NBL1: variants seen among roughly 807,000 people sequenced by gnomAD.
NBL1 encodes the protein neuroblastoma suppressor of tumorigenicity 1.
A neutral mutation model predicts 16.0 loss-of-function variants in NBL1; 9 were observed. The ratio of observed to expected loss-of-function variants is 0.56; its 90% confidence interval spans 0.34 to 0.98. The LOEUF is 0.98. NBL1 is among the 50% of genes least tolerant of loss of function. The pLI is 0.02. For missense variants in NBL1, 196 were observed against 243.1 expected (o/e 0.81, Z 1.29); for synonymous variants, 86 against 100.7 (o/e 0.85, Z 0.87).
chr1:19,651,144 G>A (rs2095022799), intron 1 of NBL1, among the ~76,000 whole-genome samples: 1 of 152,238 alleles, frequency 6.6e-6, no homozygotes, highest in African/African-American at 2.4e-5. Flanking sequence ...TTTCTGAGGA[G>A]TGAACTTATT....
chr1:19,645,769 T>C lies in NBL1; in HGVS notation c.-20+1323T>C, dbSNP rs913181597. The C allele has an allele frequency of 4.5e-5, 61 of 1,342,608 alleles. No homozygotes were observed. The Middle Eastern group carries it at 1.4e-3, about 30-fold the overall frequency. The allele number at this position is 1,342,608 out of a possible 1,614,324, so 83.2% of individuals were successfully genotyped here. ...GCTGGACCTCTCTCCCGGGCCTGTG[T>C]TTTGGAGGGGTGGACAGGGGAGTAG... On this transcript the variant is annotated intron_variant, in intron 1 of 3. Coordinates refer to ENST00000375136, the MANE Select transcript of NBL1 (RefSeq NM_005380.8).
chr1:19,648,955 C>A (rs1478240070), intron 1 of NBL1, among the ~76,000 whole-genome samples: 1 of 152,162 alleles, frequency 6.6e-6, no homozygotes, highest in Non-Finnish European at 1.5e-5. Flanking sequence ...GAACTCTGGT[C>A]TGTGGAGCCC....
intron 1 of NBL1, among the ~76,000 whole-genome samples, chr1:19,653,544 C>T (rs1198698784): frequency 6.6e-6 from 1 of 152,250 alleles, no homozygotes; most frequent in Non-Finnish European, 1.5e-5. Flanking sequence ...GACTCCTACC[C>T]ACCCTAGAAC....
intron 3 of NBL1, among the ~76,000 whole-genome samples, chr1:19,656,397 G>A (rs1437638803): frequency 7.9e-6 from 1 of 127,076 alleles, no homozygotes; most frequent in Admixed American, 8.6e-5. Flanking sequence ...TAGTCGGCGG[G>A]GATAGGGGGG....
chr1:19,645,941 T>G (rs769009180), intron 1 of NBL1: 4 of 1,550,462 alleles, frequency 2.6e-6, no homozygotes, highest in Non-Finnish European at 3.5e-6. Flanking sequence ...GTGGAACTTC[T>G]GCTGAGCAGA....
At position 19,657,165 on chromosome 1, in the gene NBL1, G is replaced by C. The variant is rs1048720493; in HGVS notation, c.*36G>C. ...ACTCTTCCTCCCCTCTCATCCCCCT[G>C]TGGAATGTTGGGTCTCACTCTCTGG... On this transcript the variant is annotated 3_prime_UTR_variant, in exon 4 of 4. Transcript: ENST00000375136. 1.0e-6 allele frequency: 1 copy of C among 964,266 alleles called. No homozygotes were observed. The highest frequency in any genetic ancestry group is 1.5e-6 in the Non-Finnish European group (1 of 654,944). 59.7% of individuals were successfully genotyped at this position (964,266 alleles called of 1,614,324 possible).
chr1:19,645,811 A>C, intron 1 of NBL1: 15 of 1,434,962 alleles, frequency 1.0e-5, no homozygotes, highest in East Asian at 5.4e-5. Flanking sequence ...TGCATCGGCC[A>C]GGGATATCGC....
upstream of NBL1, chr1:19,644,235 C>T (rs2094963588): frequency 1.0e-6 from 1 of 977,574 alleles, no homozygotes; most frequent in Non-Finnish European, 1.2e-6. This position sits in a 1 kb window ranked among gnomAD's most constrained non-coding sequence, Gnocchi z 4.6. Flanking sequence ...CCGCTGCCCC[C>T]GCCCTCGCGC....
rs1293825046 is a variant in NBL1, at chr1:19,647,645, G to A, written c.-20+3199G>A. 4.1e-6 allele frequency: 4 copies of A among 985,348 alleles called. No individual in the cohort carries two copies. The East Asian group carries it at 4.5e-4, about 112-fold the overall frequency. The allele number at this position is 985,348 out of a possible 1,614,324, so 61.0% of individuals were successfully genotyped here. A position where few individuals can be genotyped will look rare whatever the true frequency, so the allele number is the denominator to read the frequency against. ...GTGCTCGTTGTGCATGCGGACTGTG[G>A]TGTCACCTGAATGCTGAGCCCACAG... On this transcript the variant is annotated intron_variant, in intron 1 of 3. Transcript: ENST00000375136.
At chr1:19,654,232 G>A (rs569821428) in intron 1 of NBL1, among the ~76,000 whole-genome samples, 2 of 152,162 alleles carry the variant, frequency 1.3e-5, no homozygotes, top group South Asian at 2.1e-4. Flanking sequence ...GCAACACGGC[G>A]AAACCTGGTC....
intron 1 of NBL1, chr1:19,645,263 C>G: frequency 1.4e-6 from 1 of 696,826 alleles, no homozygotes; most frequent in Non-Finnish European, 1.8e-6. Context: ...GCCAGCCTTT[C>G]CGGGGGCTCA....
chr1:19,645,132 C>T (rs1333441048), intron 1 of NBL1, among the ~76,000 whole-genome samples: 2 of 152,184 alleles, frequency 1.3e-5, no homozygotes, highest in East Asian at 1.9e-4. Context: ...GGCTCGCCTT[C>T]CCCCAGCGGG....
At chr1:19,647,765 C>G in intron 1 of NBL1, 1 of 721,700 alleles carries the variant, frequency 1.4e-6, no homozygotes, top group East Asian at 1.3e-4. Context: ...AGGGAGAGCC[C>G]TGCCCTTTCC....
chr1:19,654,190 G>A (rs1029406021), intron 1 of NBL1, among the ~76,000 whole-genome samples: 1 of 152,108 alleles, frequency 6.6e-6, no homozygotes, highest in Non-Finnish European at 1.5e-5. Flanking sequence ...CAGGAAGATC[G>A]CTTGAGCCCC....
At chr1:19,647,868 TG>T (rs1432553360) in intron 1 of NBL1, among the ~76,000 whole-genome samples, 1 of 142,264 alleles carries the variant, frequency 7.0e-6, no homozygotes, top group African/African-American at 2.9e-5. Flanking sequence ...TGTGTGTGCG[TG>T]TGTGTGTGTG....
At chr1:19,654,779 C>T (rs1248989789) in intron 1 of NBL1, among the ~76,000 whole-genome samples, 1 of 152,070 alleles carries the variant, frequency 6.6e-6, no homozygotes, top group African/African-American at 2.4e-5. Context: ...ATCTGCTAGG[C>T]TCATTTAATA....
chr1:19,653,314 G>C (rs901123784), intron 1 of NBL1, among the ~76,000 whole-genome samples: 1 of 149,048 alleles, frequency 6.7e-6, no homozygotes, highest in African/African-American at 2.4e-5. Flanking sequence ...AAAGTACCTG[G>C]CTTTGCCATC....
chr1:19,645,392 G>A (rs569119168), intron 1 of NBL1: 4 of 986,428 alleles, frequency 4.1e-6, no homozygotes, highest in Admixed American at 1.2e-4. Flanking sequence ...GGCGGCAAAG[G>A]GGGCAGCCGC....
rs752802378 is a variant in NBL1, at chr1:19,655,309, C to T, written c.171-15C>T. ...CCCAACAGTGACACAGGCATGGTGA[C>T]CTCTCCTCCCACAGGGCGTGCCTAG... On this transcript the variant is annotated splice_polypyrimidine_tract_variant and intron_variant, in intron 2 of 3. Transcript: ENST00000375136. The T allele has an allele frequency of 1.9e-6, 3 of 1,613,772 alleles. No homozygotes were observed. The highest frequency in any genetic ancestry group is 4.5e-5 in the East Asian group (2 of 44,882).
Sources: allele counts gnomAD v4.1 joint callset (sites outside exome capture counted in the v4.1 genomes callset), GRCh38; gene constraint gnomAD v4.1.1; non-coding constraint Gnocchi (gnomAD v3.1); transcripts MANE v1.5; gene names NCBI Gene and HGNC (gene_info 2026-07-23, HGNC 2026-07-21).